CHM: variants seen among roughly 807,000 people sequenced by gnomAD.
CHM encodes rab proteins geranylgeranyltransferase component A 1.
In CHM, 10 loss-of-function variants were observed where a neutral mutation model predicts 49.0. The observed-to-expected ratio is 0.20, with a 90% CI of 0.13 to 0.35. The LOEUF is 0.35. CHM is among the 10% of genes least tolerant of loss of function. The pLI is 1.00. For missense variants in CHM, 455 were observed against 478.4 expected, an observed-to-expected ratio of 0.95 and a Z score of 0.46; for synonymous variants, 184 against 167.5, an observed-to-expected ratio of 1.10 and a Z score of -0.76.
Position 85,864,826 on chromosome X carries a change from C to A in CHM, c.1771-5G>T. On this transcript the variant is annotated splice_polypyrimidine_tract_variant and splice_region_variant and intron_variant, in intron 14 of 14. Transcript: ENST00000357749. ...TTCCTGGAAAAGTGTTTCAGCCTGG[C>A]CAAGGAAGAAAAGATAAAATCGTTT... The A allele has an allele frequency of 1.7e-6, 2 of 1,200,799 alleles. No individual in the cohort carries two copies. The highest frequency in any genetic ancestry group is 2.2e-6 in the Non-Finnish European group (2 of 888,996).
intron 8 of CHM, among the ~76,000 whole-genome samples, chrX:85,932,027 A>C (rs1038927035): frequency 9.0e-6 from 1 of 111,722 alleles, no homozygotes; most frequent in Non-Finnish European, 1.9e-5. Flanking sequence ...ACTGACATTA[A>C]GGAATTAAAC....
At chrX:86,013,827 C>G (rs1218052492) in intron 2 of CHM, among the ~76,000 whole-genome samples, 1 of 111,243 alleles carries the variant, frequency 9.0e-6, no homozygotes, top group Non-Finnish European at 1.9e-5. Context: ...CTTCTAGAAG[C>G]CATTGAGATA....
intron 8 of CHM, among the ~76,000 whole-genome samples, chrX:85,921,227 T>C: frequency 8.9e-6 from 1 of 112,090 alleles, no homozygotes; most frequent in Non-Finnish European, 1.9e-5. Context: ...ATGACACGTT[T>C]TCTTCCAGTG....
chrX:85,930,936 A>C lies in CHM; in HGVS notation c.1167-19598T>G, dbSNP rs923061968. On this transcript the variant is annotated intron_variant, in intron 8 of 14. Coordinates refer to ENST00000357749, the MANE Select transcript of CHM (RefSeq NM_000390.4). The stretch of plus-strand genomic sequence containing the variant: ...AGCGAAAAAAGCCTGAGAATTTTCA[A>C]ACTTTAACAACAAACATGTTTACAA... Among the ~76,000 whole-genome samples the C allele has an allele frequency of 5.4e-5, 6 of 111,898 alleles. No homozygotes were observed. In the Admixed American group the frequency reaches 5.7e-4, roughly 11 times the overall value.
chrX:85,970,973 T>C, intron 4 of CHM: 1 of 696,262 alleles, frequency 1.4e-6, no homozygotes, highest in African/African-American at 2.3e-5. Context: ...ACGTATTAAA[T>C]TTAATGTTGA....
intron 2 of CHM, among the ~76,000 whole-genome samples, chrX:86,001,811 CA>C (rs1932737479): frequency 9.1e-6 from 1 of 109,606 alleles, no homozygotes; most frequent in African/African-American, 3.3e-5. Flanking sequence ...CCATTACAAT[CA>C]ATTGAAAAAC....
intron 8 of CHM, among the ~76,000 whole-genome samples, chrX:85,913,014 G>GAAAA (rs755460793): frequency 7.8e-5 from 3 of 38,253 alleles, no homozygotes; most frequent in African/African-American, 9.7e-5. Flanking sequence ...CTCCATCTCA[G>GAAAA]AAAAAAAAAA....
chrX:85,936,498 G>A (rs1166225209), intron 8 of CHM, among the ~76,000 whole-genome samples: 1 of 111,600 alleles, frequency 9.0e-6, no homozygotes, highest in African/African-American at 3.3e-5. Context: ...ACATGTTCAA[G>A]TCCACCTAAA....
chrX:86,012,170 G>A (rs749145569), intron 2 of CHM, among the ~76,000 whole-genome samples: 3 of 111,731 alleles, frequency 2.7e-5, no homozygotes, highest in South Asian at 3.8e-4. Flanking sequence ...CCACTTAAGA[G>A]AAATTCAAAA....
chrX:85,949,037 T>A (rs1367623075), intron 8 of CHM, among the ~76,000 whole-genome samples: 1 of 111,295 alleles, frequency 9.0e-6, no homozygotes, highest in Non-Finnish European at 1.9e-5. Context: ...ATTACAGGCA[T>A]GAGCCACCGC....
chrX:85,886,887 G>A (rs770078170), intron 12 of CHM, among the ~76,000 whole-genome samples: 1 of 107,695 alleles, frequency 9.3e-6, no homozygotes, highest in Admixed American at 1.0e-4. Flanking sequence ...TTATCTCAGT[G>A]TATTTCTTAA....
chrX:85,890,213 AAAT>A (rs1446336598), intron 12 of CHM, among the ~76,000 whole-genome samples: 8 of 112,482 alleles, frequency 7.1e-5, no homozygotes, highest in African/African-American at 2.6e-4. Flanking sequence ...GAAATTTGAA[AAAT>A]AATATTCACA....
chrX:85,871,304 C>CAAAAAAAAAAAAAAAAAAAAAA (rs150005971), intron 14 of CHM, among the ~76,000 whole-genome samples: 2 of 62,069 alleles, frequency 3.2e-5, no homozygotes, highest in African/African-American at 1.4e-4. Flanking sequence ...AAGACTGTCT[C>CAAAAAAAAAAAAAAAAAAAAAA]AAAAAAAAAA....
intron 12 of CHM, among the ~76,000 whole-genome samples, chrX:85,893,687 G>A (rs1925629343): frequency 1.8e-5 from 2 of 111,053 alleles, no homozygotes; most frequent in South Asian, 7.6e-4. Flanking sequence ...TTGCCTGTAT[G>A]AGGACACACA....
chrX:85,921,896 C>G (rs1208065388), intron 8 of CHM, among the ~76,000 whole-genome samples: 1 of 112,122 alleles, frequency 8.9e-6, no homozygotes, highest in African/African-American at 3.2e-5. Context: ...GTAGGGAAAT[C>G]TAAATGCATG....
chrX:85,935,671 T>A (rs1341790987), intron 8 of CHM, among the ~76,000 whole-genome samples: 1 of 112,304 alleles, frequency 8.9e-6, no homozygotes, highest in Non-Finnish European at 1.9e-5. Flanking sequence ...TAATAGAATC[T>A]TATAGGAACA....
intron 4 of CHM, among the ~76,000 whole-genome samples, chrX:85,967,003 G>A (rs766629786): frequency 3.6e-5 from 4 of 111,822 alleles, no homozygotes; most frequent in Non-Finnish European, 7.5e-5. Flanking sequence ...ATAAACTATC[G>A]TTTTACTGTT....
chrX:85,984,523 C>T (rs1315580383), intron 2 of CHM, among the ~76,000 whole-genome samples: 1 of 111,732 alleles, frequency 8.9e-6, no homozygotes, highest in Non-Finnish European at 1.9e-5. Flanking sequence ...CAAAATGGTA[C>T]AAGCACTTTC....
intron 8 of CHM, among the ~76,000 whole-genome samples, chrX:85,920,945 T>C (rs1369168429): frequency 8.0e-5 from 9 of 112,239 alleles, no homozygotes; most frequent in Non-Finnish European, 1.5e-4. Flanking sequence ...TTCTACACAT[T>C]ATTTTCTCTC....
Sources: allele counts gnomAD v4.1 joint callset (sites outside exome capture counted in the v4.1 genomes callset), GRCh38; gene constraint gnomAD v4.1.1; transcripts MANE v1.5; gene names NCBI Gene and HGNC (gene_info 2026-07-23, HGNC 2026-07-21).